NPNT: variants seen among roughly 807,000 people sequenced by gnomAD.
NPNT encodes the protein preosteoblast EGF-like repeat protein with MAM domain.
NPNT carries 45 observed loss-of-function variants against 68.6 expected under a neutral mutation model. The ratio of observed to expected loss-of-function variants is 0.66; its 90% CI spans 0.52 to 0.84. The LOEUF (loss-of-function observed/expected upper bound fraction) is 0.84, where lower values mean the gene tolerates loss of function less well. Among genes scored for constraint, NPNT ranks in the 40% least tolerant of loss-of-function variants. NPNT has a pLI of 0.00. For missense variants in NPNT, 672 were observed against 714.8 expected (o/e 0.94, Z 0.68); for synonymous variants, 233 against 253.3 (o/e 0.92, Z 0.76).
Position 105,967,587 on chromosome 4 carries a change from T to C in NPNT, c.1602+143T>C, listed in dbSNP as rs917185030. 1.6e-4 allele frequency: 113 copies of C among 688,450 alleles called. No individual in the cohort carries two copies. In the African/African-American group the frequency reaches 1.9e-3, roughly 12 times the overall value. The allele number at this position is 688,450 out of a possible 1,614,324, so 42.6% of individuals were successfully genotyped here. On this transcript the variant is annotated intron_variant, in intron 11 of 11. Coordinates refer to ENST00000379987, the MANE Select transcript of NPNT (RefSeq NM_001033047.3). ...TTTTTTTCTGGGCCTGATGACTCCA[T>C]TCAGTGTCTCTTTCTGAAACCACTT...
intron 2 of NPNT, among the ~76,000 whole-genome samples, chr4:105,916,457 AG>A (rs1389797342): frequency 1.3e-5 from 2 of 151,950 alleles, no homozygotes; most frequent in African/African-American, 2.4e-5. Flanking sequence ...CCTGAGCTCA[AG>A]CAATCCACGC....
intron 8 of NPNT, 136 bp downstream of exon 8, chr4:105,942,838 A>G (rs1055295251): frequency 4.2e-5 from 33 of 785,506 alleles, no homozygotes; most frequent in Non-Finnish European, 6.2e-5. Flanking sequence ...ATTGACAAAT[A>G]TTATAAAGAG....
At chr4:105,898,782 G>T (rs890284978) in intron 2 of NPNT, among the ~76,000 whole-genome samples, 4 of 152,100 alleles carry the variant, frequency 2.6e-5, no homozygotes, top group Admixed American at 6.5e-5. Context: ...TAGGAAATTT[G>T]TCCCCAGCAT....
At chr4:105,906,406 G>A (rs566983985) in intron 2 of NPNT, among the ~76,000 whole-genome samples, 101 of 152,260 alleles carry the variant, frequency 6.6e-4, no homozygotes, top group African/African-American at 2.3e-3. Context: ...TAGAAGATCC[G>A]TCAACATAAG....
chr4:105,928,328 T>C (rs1170640106), intron 3 of NPNT, among the ~76,000 whole-genome samples: 1 of 152,166 alleles, frequency 6.6e-6, no homozygotes, highest in Non-Finnish European at 1.5e-5. Context: ...AAATTTCCAT[T>C]ATTGGCCTGG....
chr4:105,942,421 C>T lies in NPNT; in HGVS notation c.878C>T (p.Thr293Ile). 1.2e-6 allele frequency: 2 copies of T among 1,613,902 alleles called. No individual in the cohort carries two copies. The highest frequency in any genetic ancestry group is 1.7e-6 in the Non-Finnish European group (2 of 1,179,926). Residue 293 changes from threonine to isoleucine, a missense_variant, in exon 8 of 12, where the codon ACT (threonine) becomes ATT (isoleucine). Physicochemically the swap from Thr to Ile is moderately conservative, Grantham distance 89. Transcript: ENST00000379987. ...NNNWIPDVGS[T>I]WWPPKTPYIP... ...AATTGGATTCCTGATGTTGGAAGTA[C>T]TTGGTGGCCTCCGAAGACACCATAT...
intron 1 of NPNT, among the ~76,000 whole-genome samples, chr4:105,896,317 ATG>A (rs1427569397): frequency 1.3e-5 from 2 of 152,006 alleles, no homozygotes; most frequent in Non-Finnish European, 2.9e-5. Flanking sequence ...GAGTGTGTGG[ATG>A]TGTGTGTGAG....
chr4:105,961,059 C>A lies in NPNT; in HGVS notation c.1345+1933C>A, dbSNP rs574881518. ...CATGTTTTATCATTCACTCGAGGAG[C>A]AAATAATATTGTCTTTATTTCACAA... On this transcript the variant is annotated intron_variant, in intron 10 of 11. Transcript: ENST00000379987. Among the ~76,000 whole-genome samples, 675 of 152,212 alleles carry A rather than the reference C, an allele frequency of 4.4e-3. 5 individuals are homozygous for A. The highest frequency in any genetic ancestry group is 0.032 in the South Asian group (155 of 4,828).
chr4:105,937,375 C>T (rs1729570883), intron 4 of NPNT, among the ~76,000 whole-genome samples: 1 of 149,582 alleles, frequency 6.7e-6, no homozygotes, highest in Non-Finnish European at 1.5e-5. Context: ...AATTACAAAA[C>T]TAAGTATGTT....
At chr4:105,962,326 G>A (rs1485249336) in intron 10 of NPNT, among the ~76,000 whole-genome samples, 1 of 152,174 alleles carries the variant, frequency 6.6e-6, no homozygotes, top group African/African-American at 2.4e-5. Context: ...CGTTTAGCCT[G>A]GAGAAGAAAT....
chr4:105,905,203 A>T (rs1055253361), intron 2 of NPNT, among the ~76,000 whole-genome samples: 4 of 152,140 alleles, frequency 2.6e-5, no homozygotes, highest in African/African-American at 9.7e-5. Flanking sequence ...TTTGTACCAA[A>T]ATACTTTTTG....
chr4:105,941,216 C>A (rs1729924613), intron 7 of NPNT, among the ~76,000 whole-genome samples: 1 of 152,060 alleles, frequency 6.6e-6, no homozygotes, highest in African/African-American at 2.4e-5. Flanking sequence ...GTGCGCATAC[C>A]TGTAGTCCCA....
In NPNT at chr4:105,917,047, A is replaced by G. The variant is rs376163748; in HGVS notation, c.173-10289A>G. On this transcript the variant is annotated intron_variant, in intron 2 of 11. Coordinates refer to ENST00000379987, the MANE Select transcript of NPNT (RefSeq NM_001033047.3). ...TTAGATTCTAAACAGAAATCAATTT[A>G]TGTGCTTGAAATCACATAAAGGTAA... 9.5e-4 allele frequency among the ~76,000 whole-genome samples: 145 copies of G among 152,340 alleles called. 1 individual carries two copies. Among genetic ancestry groups the G allele is most frequent in the African/African-American group, 3.3e-3 (137 of 41,582 alleles).
chr4:105,910,072 A>C (rs181615828), intron 2 of NPNT, among the ~76,000 whole-genome samples: 1 of 152,316 alleles, frequency 6.6e-6, no homozygotes, highest in Admixed American at 6.5e-5. Flanking sequence ...GATTAAAAAA[A>C]AAAAAGGCTC....
At chr4:105,964,877 A>G (rs534556973) in intron 10 of NPNT, among the ~76,000 whole-genome samples, 4 of 152,368 alleles carry the variant, frequency 2.6e-5, no homozygotes, top group Non-Finnish European at 5.9e-5. Flanking sequence ...ACTTGCAGCA[A>G]TGCAAAGTGT....
chr4:105,958,661 C>A, intron 9 of NPNT, 104 bp downstream of exon 9: 1 of 586,114 alleles, frequency 1.7e-6, no homozygotes, highest in Non-Finnish European at 2.9e-6. Context: ...GAAAATTACA[C>A]CTGTTTTCTT....
Position 105,968,936 on chromosome 4 carries a change from G to C in NPNT, c.1644G>C (p.Glu548Asp), listed in dbSNP as rs1732381579. The C allele has an allele frequency of 6.2e-7, 1 of 1,613,534 alleles. No homozygotes were observed. The change falls in exon 12 of 12, where the codon GAG becomes GAC. Residue 548 changes from glutamate to aspartate, a missense_variant. Transcript: ENST00000379987. ...AAAAAAGGCGTGGTCACACTGGGGA[G>C]ATTGGATTAGATGATGTGAGCTTGA... ...KGEKRRGHTG[E>D]IGLDDVSLKK...
At chr4:105,934,846 A>G (rs755512104) in intron 3 of NPNT, among the ~76,000 whole-genome samples, 1 of 152,038 alleles carries the variant, frequency 6.6e-6, no homozygotes, top group South Asian at 2.1e-4. Flanking sequence ...TGCTTTTGCC[A>G]TGGGAACGGA....
intron 10 of NPNT, among the ~76,000 whole-genome samples, chr4:105,959,391 T>G (rs1189738474): frequency 6.6e-6 from 1 of 152,198 alleles, no homozygotes; most frequent in African/African-American, 2.4e-5. Context: ...AAATAAAATA[T>G]TTAGATTAAT....
Sources: allele counts gnomAD v4.1 joint callset (sites outside exome capture counted in the v4.1 genomes callset), GRCh38; gene constraint gnomAD v4.1.1; transcripts MANE v1.5; gene names NCBI Gene and HGNC (gene_info 2026-07-23, HGNC 2026-07-21).